LIMS1: variants seen among roughly 807,000 people sequenced by gnomAD.
LIMS1 encodes LIM and senescent cell antigen-like-containing domain protein 1.
In LIMS1, 18 loss-of-function variants were observed where a neutral mutation model predicts 44.1. The ratio of observed to expected loss-of-function variants is 0.41; its 90% confidence interval spans 0.28 to 0.61. The LOEUF is 0.61. Among genes scored for constraint, LIMS1 ranks in the 20% least tolerant of loss-of-function variants. The pLI, the probability that LIMS1 is intolerant of heterozygous loss-of-function variation, is 0.32. For synonymous variants in LIMS1, 93 were observed against 149.1 expected (o/e 0.62, Z 2.74); for missense variants, 201 against 422.0 (o/e 0.48, Z 4.59).
intron 7 of LIMS1, chr2:108,676,908 C>T (rs1478792358): frequency 1.8e-6 from 1 of 551,098 alleles, no homozygotes; most frequent in Non-Finnish European, 3.1e-6. Context: ...CCACAGTTTG[C>T]TTTATCATTT....
At chr2:108,670,698 C>T (rs1477857184) in intron 2 of LIMS1, 83 bp from the exon 3 acceptor site, 5 of 1,448,542 alleles carry the variant, frequency 3.5e-6, no homozygotes, top group Non-Finnish European at 4.8e-6. Flanking sequence ...TTAGAAACAT[C>T]TTTCCTGTAT....
At chr2:108,637,863 ATT>A (rs11312101) in intron 1 of LIMS1, among the ~76,000 whole-genome samples, 280 of 143,816 alleles carry the variant, frequency 1.9e-3, no homozygotes, top group South Asian at 4.6e-3. Flanking sequence ...AAATTTTAAG[ATT>A]TTTTTTTTTT....
intron 1 of LIMS1, among the ~76,000 whole-genome samples, chr2:108,628,218 TTTC>T (rs1258757299): frequency 6.6e-6 from 1 of 152,262 alleles, no homozygotes; most frequent in Non-Finnish European, 1.5e-5. Flanking sequence ...GCAGTAATAC[TTTC>T]TTCTTAAAAT....
intron 1 of LIMS1, among the ~76,000 whole-genome samples, chr2:108,611,852 TATACACACA>T (rs1687626800): frequency 7.1e-6 from 1 of 141,330 alleles, no homozygotes; most frequent in Non-Finnish European, 1.5e-5. Flanking sequence ...TATATATATA[TATACACACA>T]TATATATACA....
At chr2:108,686,798 T>C (rs960882601) in exon 10 of LIMS1, 1 of 148,486 alleles carries the variant, frequency 6.7e-6, no homozygotes, top group Non-Finnish European at 1.5e-5. Context: ...AAAGTGTAAG[T>C]GGATTAAAAG....
intron 1 of LIMS1, among the ~76,000 whole-genome samples, chr2:108,631,662 T>A (rs901804871): frequency 5.9e-5 from 9 of 152,080 alleles, no homozygotes; most frequent in Non-Finnish European, 1.0e-4. Context: ...CTGTCCCTAG[T>A]GGAAGAACAT....
At chr2:108,623,171 A>C (rs990297193) in intron 1 of LIMS1, among the ~76,000 whole-genome samples, 20 of 152,038 alleles carry the variant, frequency 1.3e-4, no homozygotes, top group Admixed American at 9.8e-4. Context: ...CTTATTCAGA[A>C]GTATAGGTTA....
At chr2:108,575,252 G>T (rs184930158) in intron 1 of LIMS1, among the ~76,000 whole-genome samples, 1 of 149,858 alleles carries the variant, frequency 6.7e-6, no homozygotes, top group East Asian at 2.1e-4. Flanking sequence ...TCAGCTTGGG[G>T]TTATATGGTT....
chr2:108,643,835 G>T (rs1335473718), intron 1 of LIMS1, among the ~76,000 whole-genome samples: 2 of 152,194 alleles, frequency 1.3e-5, no homozygotes. Flanking sequence ...GTTGGGGAAG[G>T]GGCGTCTGCC....
rs573798586 is a variant in LIMS1 at position 108,574,936 on chromosome 2, C to G, written c.32+40342C>G. On this transcript the variant is annotated intron_variant, in intron 1 of 9. Transcript: ENST00000544547. ...TGGAAACTTAATATAGATCCTACTT[C>G]AGATTTTTGGTCATTGGGTTGGGGA... 7.3e-4 allele frequency among the ~76,000 whole-genome samples: 111 copies of G among 152,228 alleles called. 1 individual carries two copies. The Middle Eastern group carries it at 0.01, about 14-fold the overall frequency.
intron 5 of LIMS1, among the ~76,000 whole-genome samples, chr2:108,674,719 CAAA>C (rs59992301): frequency 1.7e-3 from 73 of 43,736 alleles, no homozygotes; most frequent in Admixed American, 3.5e-3. Flanking sequence ...AGACTCGTCT[CAAA>C]AAAAAAAAAA....
chr2:108,609,282 T>C (rs1558807462), intron 1 of LIMS1, among the ~76,000 whole-genome samples: 1 of 152,204 alleles, frequency 6.6e-6, no homozygotes, highest in Admixed American at 6.5e-5. Flanking sequence ...GCTTCTCCTC[T>C]GGAGTCTTCT....
At chr2:108,573,110 A>G (rs1034707398) in intron 1 of LIMS1, among the ~76,000 whole-genome samples, 7 of 152,244 alleles carry the variant, frequency 4.6e-5, no homozygotes, top group African/African-American at 1.7e-4. Flanking sequence ...AAAAGGTCAT[A>G]TGAATGCAAG....
rs1196410313 is a variant in LIMS1, at chr2:108,637,095, ATATATG to A, written c.33-22508_33-22503del. Among the ~76,000 whole-genome samples the A allele has an allele frequency of 5.0e-4, 41 of 81,508 alleles. No homozygotes were observed. The East Asian group carries it at 5.4e-3, about 11-fold the overall frequency. 53.5% of individuals were successfully genotyped at this position (81,508 alleles called of 152,430 possible). A position where few individuals can be genotyped will look rare whatever the true frequency, so the allele number is the denominator to read the frequency against. On this transcript the variant is annotated intron_variant, in intron 1 of 9. Coordinates refer to ENST00000544547, the Ensembl canonical transcript of LIMS1. ...CCTTTTTAAATTCAGCAAAATATAC[ATATATG>A]TGTGTGTGTGTGTGTGTGTGTGTGT...
intron 7 of LIMS1, among the ~76,000 whole-genome samples, chr2:108,677,697 A>G (rs1692666992): frequency 6.6e-6 from 1 of 152,106 alleles, no homozygotes. Context: ...TCTCCCGTCT[A>G]TAGGTTTATT....
At chr2:108,633,353 A>G (rs982247167) in intron 1 of LIMS1, among the ~76,000 whole-genome samples, 4 of 152,242 alleles carry the variant, frequency 2.6e-5, no homozygotes, top group Non-Finnish European at 4.4e-5. Context: ...CTGCTTTTAA[A>G]TAGGCTTAAA....
chr2:108,646,446 C>A (rs965535100), intron 1 of LIMS1, among the ~76,000 whole-genome samples: 1 of 152,146 alleles, frequency 6.6e-6, no homozygotes, highest in African/African-American at 2.4e-5. Context: ...AACAAAGACA[C>A]AACGTACCAG....
At chr2:108,575,954 G>A (rs1040937449) in intron 1 of LIMS1, among the ~76,000 whole-genome samples, 15 of 152,136 alleles carry the variant, frequency 9.9e-5, no homozygotes, top group African/African-American at 3.4e-4. Flanking sequence ...GCTTGCACCT[G>A]ATCAGGAAGC....
intron 2 of LIMS1, among the ~76,000 whole-genome samples, chr2:108,666,924 C>G (rs1471679188): frequency 1.3e-5 from 2 of 152,182 alleles, no homozygotes; most frequent in Non-Finnish European, 2.9e-5. Context: ...GCACCACCCT[C>G]TGGGAAACTA....
Sources: allele counts gnomAD v4.1 joint callset (sites outside exome capture counted in the v4.1 genomes callset), GRCh38; gene constraint gnomAD v4.1.1; transcripts MANE v1.5; gene names NCBI Gene and HGNC (gene_info 2026-07-23, HGNC 2026-07-21).